Variants in RICTOR observed in about 807,000 individuals in gnomAD.
RICTOR encodes rapamycin-insensitive companion of mTOR.
RICTOR carries 49 observed loss-of-function variants against 214.9 expected under a neutral mutation model. The ratio of observed to expected loss-of-function variants is 0.23; its 90% CI spans 0.18 to 0.29. The LOEUF (loss-of-function observed/expected upper bound fraction) is 0.29, where lower values mean the gene tolerates loss of function less well. Among genes scored for constraint, RICTOR ranks in the 10% least tolerant of loss-of-function variants. RICTOR has a pLI of 1.00. For missense variants in RICTOR, 1,625 were observed against 2,047.0 expected, an observed-to-expected ratio of 0.79 and a Z score of 3.98; for synonymous variants, 717 against 711.3, an observed-to-expected ratio of 1.01 and a Z score of -0.13.
intron 2 of RICTOR, among the ~76,000 whole-genome samples, chr5:39,069,499 C>T (rs1453921654): frequency 5.9e-5 from 9 of 152,130 alleles, no homozygotes; most frequent in Non-Finnish European, 1.3e-4. Flanking sequence ...AGAATAGCAA[C>T]GCTTTATTCT....
chr5:39,058,871 T>G (rs1432943694), intron 2 of RICTOR, among the ~76,000 whole-genome samples: 1 of 152,164 alleles, frequency 6.6e-6, no homozygotes, highest in Non-Finnish European at 1.5e-5. Context: ...GAAGTCTTTA[T>G]AAATAATTTG....
At chr5:38,999,098 TGA>T (rs1753420454) in intron 5 of RICTOR, among the ~76,000 whole-genome samples, 1 of 143,728 alleles carries the variant, frequency 7.0e-6, no homozygotes. Flanking sequence ...TAAGAATTCA[TGA>T]GAGTCATTTA....
intron 7 of RICTOR, among the ~76,000 whole-genome samples, chr5:38,982,695 G>A (rs1432925158): frequency 6.6e-6 from 1 of 151,546 alleles, no homozygotes; most frequent in African/African-American, 2.4e-5. Context: ...TGTTTATCAG[G>A]GTCAGCAACT....
intron 2 of RICTOR, among the ~76,000 whole-genome samples, chr5:39,050,588 C>T (rs1208163795): frequency 1.3e-5 from 2 of 152,098 alleles, no homozygotes; most frequent in African/African-American, 2.4e-5. Flanking sequence ...CCACCCACCT[C>T]GGCCTCCCAA....
intron 3 of RICTOR, among the ~76,000 whole-genome samples, chr5:39,009,734 T>G (rs1048831138): frequency 6.6e-6 from 1 of 152,092 alleles, no homozygotes; most frequent in Non-Finnish European, 1.5e-5. Flanking sequence ...GATTAAACTT[T>G]CTATGTGTAA....
At chr5:39,059,419 T>C (rs749269476) in intron 2 of RICTOR, among the ~76,000 whole-genome samples, 6 of 152,154 alleles carry the variant, frequency 3.9e-5, no homozygotes, top group African/African-American at 1.2e-4. Flanking sequence ...TGCAATATTA[T>C]GTTTCTTGAT....
At chr5:39,009,387 C>A (rs1052952218) in intron 3 of RICTOR, among the ~76,000 whole-genome samples, 3 of 151,998 alleles carry the variant, frequency 2.0e-5, no homozygotes, top group African/African-American at 7.2e-5. Flanking sequence ...CAAACACGCA[C>A]CATTTAAAAA....
chr5:38,983,957 T>G (rs920648571), intron 7 of RICTOR, among the ~76,000 whole-genome samples: 1 of 152,110 alleles, frequency 6.6e-6, no homozygotes, highest in Non-Finnish European at 1.5e-5. Flanking sequence ...AGAGTGAGAC[T>G]CCATCTCAAA....
chr5:38,998,909 G>A (rs1337654745), intron 5 of RICTOR, among the ~76,000 whole-genome samples: 3 of 151,564 alleles, frequency 2.0e-5, no homozygotes, highest in East Asian at 2.0e-4. Context: ...CCAGCTACTC[G>A]GGAGGCTGAG....
chr5:39,019,193 A>T (rs772596582), intron 3 of RICTOR, among the ~76,000 whole-genome samples: 3 of 152,196 alleles, frequency 2.0e-5, no homozygotes, highest in Non-Finnish European at 4.4e-5. Flanking sequence ...ATGGCAAGGT[A>T]AAGCAGTAGG....
At chr5:38,949,205 T>C in intron 31 of RICTOR, 1 of 480,590 alleles carries the variant, frequency 2.1e-6, no homozygotes, top group East Asian at 3.3e-5. Flanking sequence ...CCCTGCTGAG[T>C]CATGAGGACC....
chr5:39,029,467 C>T (rs1756104791), intron 2 of RICTOR, among the ~76,000 whole-genome samples: 1 of 152,104 alleles, frequency 6.6e-6, no homozygotes, highest in East Asian at 1.9e-4. Flanking sequence ...ATATATGCTG[C>T]TTTATAACTT....
intron 2 of RICTOR, among the ~76,000 whole-genome samples, chr5:39,065,105 T>C (rs866615879): frequency 3.9e-5 from 6 of 152,306 alleles, no homozygotes; most frequent in African/African-American, 1.4e-4. Flanking sequence ...GGGTAATTTA[T>C]AAGAAAAGAG....
At chr5:38,971,385 T>G (rs1750771756) in intron 11 of RICTOR, 1 of 151,670 alleles carries the variant, frequency 6.6e-6, no homozygotes, top group Non-Finnish European at 1.5e-5. Flanking sequence ...TTTTTTTTTT[T>G]TTTTTGAGAT....
chr5:38,968,965 G>GTTT (rs70982522), intron 11 of RICTOR, among the ~76,000 whole-genome samples: 1 of 95,488 alleles, frequency 1.0e-5, no homozygotes, highest in African/African-American at 4.2e-5. Context: ...CGGGGGAGGA[G>GTTT]TTTTTTTTTT....
At chr5:38,993,374 AAAG>A (rs1389573723) in intron 6 of RICTOR, among the ~76,000 whole-genome samples, 2 of 152,146 alleles carry the variant, frequency 1.3e-5, no homozygotes, top group Non-Finnish European at 2.9e-5. Context: ...AAGATTAAGA[AAAG>A]AATAGTAGTA....
At chr5:38,999,309 A>G (rs1753436460) in intron 5 of RICTOR, among the ~76,000 whole-genome samples, 1 of 152,026 alleles carries the variant, frequency 6.6e-6, no homozygotes, top group Non-Finnish European at 1.5e-5. Context: ...AAATCTTTAA[A>G]GCAGCCAGAG....
At chr5:38,979,233 T>C (rs1751498496) in intron 8 of RICTOR, among the ~76,000 whole-genome samples, 1 of 152,156 alleles carries the variant, frequency 6.6e-6, no homozygotes, top group Non-Finnish European at 1.5e-5. Context: ...TACTGCAACC[T>C]TGAACTCCTA....
chr5:38,939,091 TTGAA>T lies in RICTOR; in HGVS notation c.*3209_*3212del, dbSNP rs1447405273. The T allele has an allele frequency of 8.6e-6, 2 of 233,000 alleles. No homozygotes were observed. Among genetic ancestry groups the T allele is most frequent in the African/African-American group, 4.4e-5 (2 of 45,334 alleles). 14.4% of individuals were successfully genotyped at this position (233,000 alleles called of 1,614,324 possible). A position where few individuals can be genotyped will look rare whatever the true frequency, so the allele number is the denominator to read the frequency against. On this transcript the variant is annotated 3_prime_UTR_variant, in exon 38 of 38. Transcript: ENST00000357387. Reference sequence around the variant, plus strand: ...ATGCAAAAATAACTGCAGTTATAATTTGAATGACAGACAATTTGGTTTTTATTGC... The same window carrying T: ...ATGCAAAAATAACTGCAGTTATAATTTGACAGACAATTTGGTTTTTATTGC...
Sources: gnomAD v4.1 joint callset for allele counts (sites outside exome capture counted in the v4.1 genomes callset) on GRCh38, gnomAD v4.1.1 for gene constraint, MANE v1.5 for transcripts, NCBI Gene and HGNC (gene_info 2026-07-23, HGNC 2026-07-21) for gene names.